Variants in TAS2R1 observed in about 807,000 individuals in gnomAD.
The protein encoded by TAS2R1 is taste 2 receptor member 1, also known as taste receptor type 2 member 1.
For synonymous variants in TAS2R1, 141 were observed against 134.2 expected, an observed-to-expected ratio of 1.05 and a Z score of -0.35; for missense variants, 370 against 353.4, an observed-to-expected ratio of 1.05 and a Z score of -0.38.
chr5:9,780,789 A>G, the TAS2R1 span, among the ~76,000 whole-genome samples: 1 of 152,242 alleles, frequency 6.6e-6, no homozygotes, highest in Non-Finnish European at 1.5e-5. Flanking sequence ...AATGTGGTTA[A>G]CATCTATAAT....
upstream of TAS2R1, chr5:9,712,233 A>C (rs778543458): frequency 2.6e-5 from 4 of 152,198 alleles, no homozygotes; most frequent in Non-Finnish European, 2.9e-5. Context: ...GTGGTGCTTC[A>C]TAGGCACAGT....
chr5:9,805,028 G>A, the TAS2R1 span, among the ~76,000 whole-genome samples: 2 of 151,774 alleles, frequency 1.3e-5, no homozygotes, highest in African/African-American at 4.8e-5. Context: ...GACAGAAGAT[G>A]CAAATAAGCT....
At chr5:9,768,383 A>G in the TAS2R1 span, among the ~76,000 whole-genome samples, 1 of 152,096 alleles carries the variant, frequency 6.6e-6, no homozygotes, top group East Asian at 1.9e-4. Flanking sequence ...CATGTCATCA[A>G]ATTGTATCAC....
At chr5:9,873,544 A>G in the TAS2R1 span, among the ~76,000 whole-genome samples, 1 of 151,890 alleles carries the variant, frequency 6.6e-6, no homozygotes, top group South Asian at 2.1e-4. Context: ...CCTGAGTGGG[A>G]GATTAGGAAT....
chr5:9,683,796 C>A (rs1175883402), intron 1 of TAS2R1, among the ~76,000 whole-genome samples: 1 of 152,198 alleles, frequency 6.6e-6, no homozygotes, highest in African/African-American at 2.4e-5. Context: ...CTCCTTCCCC[C>A]AACCCCAACC....
the TAS2R1 span, among the ~76,000 whole-genome samples, chr5:9,823,840 T>C: frequency 1.3e-5 from 2 of 152,192 alleles, no homozygotes; most frequent in African/African-American, 4.8e-5. Flanking sequence ...GTTGTCTCCA[T>C]CTGGGTCCAG....
At chr5:9,801,003 T>C in the TAS2R1 span, among the ~76,000 whole-genome samples, 1 of 152,076 alleles carries the variant, frequency 6.6e-6, no homozygotes, top group African/African-American at 2.4e-5. Context: ...AACAGCCTTG[T>C]AAACATGGTG....
intron 1 of TAS2R1, among the ~76,000 whole-genome samples, chr5:9,683,649 A>T (rs1741070959): frequency 6.6e-6 from 1 of 152,246 alleles, no homozygotes. Context: ...TGATCACAGC[A>T]GACTTCTCCC....
the TAS2R1 span, among the ~76,000 whole-genome samples, chr5:9,871,304 T>C: frequency 1.3e-5 from 2 of 152,232 alleles, no homozygotes; most frequent in African/African-American, 4.8e-5. Flanking sequence ...CCAGTTTGAC[T>C]ATGTCCTTTC....
At chr5:9,827,929 T>C in the TAS2R1 span, among the ~76,000 whole-genome samples, 4 of 152,228 alleles carry the variant, frequency 2.6e-5, no homozygotes, top group Non-Finnish European at 5.9e-5. Context: ...CCTTGCATGA[T>C]GGAGTTTTTC....
At chr5:9,743,485 A>G in the TAS2R1 span, among the ~76,000 whole-genome samples, 225 of 152,324 alleles carry the variant, frequency 1.5e-3, 2 homozygotes, top group East Asian at 0.023. Context: ...TATGGAAAAA[A>G]TAAACATGGA....
the TAS2R1 span, among the ~76,000 whole-genome samples, chr5:9,756,710 C>T: frequency 2.6e-5 from 4 of 152,142 alleles, no homozygotes; most frequent in Non-Finnish European, 4.4e-5. Flanking sequence ...GATATCATGA[C>T]ATTTTTATTT....
rs1739812908 is a variant in TAS2R1, at chr5:9,629,033, G to T, written c.*100C>A. ...TAAACAGGCCTGAAGGGGACATGTT[G>T]TATATTTATGAACAGGCTGCTTTGT... On this transcript the variant is annotated 3_prime_UTR_variant, in exon 1 of 1. Transcript: ENST00000382492. The T allele has an allele frequency of 3.1e-6, 4 of 1,270,956 alleles. No individual in the cohort carries two copies. Among genetic ancestry groups the T allele is most frequent in the Non-Finnish European group, 4.3e-6 (4 of 934,800 alleles). The allele number at this position is 1,270,956 out of a possible 1,614,324, so 78.7% of individuals were successfully genotyped here.
At chr5:9,744,585 G>T in the TAS2R1 span, among the ~76,000 whole-genome samples, 1 of 152,092 alleles carries the variant, frequency 6.6e-6, no homozygotes, top group East Asian at 1.9e-4. Flanking sequence ...TAAGGGCCAG[G>T]TGAGTCTTTC....
chr5:9,823,880 A>G, the TAS2R1 span, among the ~76,000 whole-genome samples: 1 of 152,222 alleles, frequency 6.6e-6, no homozygotes, highest in Admixed American at 6.5e-5. Context: ...CAAATGGTTC[A>G]AAGTGCCACT....
the TAS2R1 span, among the ~76,000 whole-genome samples, chr5:9,888,462 T>C: frequency 1.3e-5 from 2 of 152,364 alleles, no homozygotes; most frequent in South Asian, 4.1e-4. Flanking sequence ...AGGCTTCTGC[T>C]ATCCCGGACC....
chr5:9,832,813 G>T, the TAS2R1 span, among the ~76,000 whole-genome samples: 165 of 152,338 alleles, frequency 1.1e-3, 4 homozygotes, highest in South Asian at 0.034. Flanking sequence ...GTCTGAGACA[G>T]GTCTCAATCA....
intron 1 of TAS2R1, among the ~76,000 whole-genome samples, chr5:9,683,108 T>C (rs1376094454): frequency 6.6e-6 from 1 of 152,148 alleles, no homozygotes; most frequent in Non-Finnish European, 1.5e-5. Context: ...TTATATACCA[T>C]TGAATACTAC....
chr5:9,788,352 G>C, the TAS2R1 span, among the ~76,000 whole-genome samples: 1 of 152,110 alleles, frequency 6.6e-6, no homozygotes, highest in African/African-American at 2.4e-5. Flanking sequence ...GTATTGACTT[G>C]CCCAAGTCAA....
Sources: gnomAD v4.1 joint callset for allele counts (sites outside exome capture counted in the v4.1 genomes callset) on GRCh38, gnomAD v4.1.1 for gene constraint, MANE v1.5 for transcripts, NCBI Gene and HGNC (gene_info 2026-07-23, HGNC 2026-07-21) for gene names.